DDX19A: variants seen among roughly 807,000 people sequenced by gnomAD.
DDX19A encodes ATP-dependent RNA helicase DDX19A.
DDX19A carries 12 observed loss-of-function variants against 60.6 expected under a neutral mutation model. The observed-to-expected ratio is 0.20, with a 90% CI of 0.13 to 0.32. The LOEUF is 0.32. DDX19A is among the 10% of genes least tolerant of loss of function. The probability of loss-of-function intolerance (pLI) is 1.00; values close to 1 mark genes in which losing one functional copy is unlikely to be tolerated. For synonymous variants in DDX19A, 206 were observed against 218.2 expected (o/e 0.94, Z 0.49); for missense variants, 337 against 600.6 (o/e 0.56, Z 4.59).
intron 2 of DDX19A, among the ~76,000 whole-genome samples, chr16:70,351,955 A>G (rs982358907): frequency 2.0e-5 from 3 of 152,308 alleles, no homozygotes; most frequent in Non-Finnish European, 4.4e-5. Flanking sequence ...GGCCCACCCT[A>G]GTGACCTCAT....
chr16:70,370,201 T>G lies in DDX19A; in HGVS notation c.1021-22T>G, dbSNP rs760980950. ...ATATATACTCAAATACTTTCATTTC[T>G]CAATTGTTTTTTTTCTTCCAGACTC... On this transcript the variant is annotated intron_variant, in intron 9 of 11. Transcript: ENST00000302243. The G allele has an allele frequency of 3.7e-6, 6 of 1,604,280 alleles. No individual in the cohort carries two copies. In the African/African-American group the frequency reaches 8.1e-5, roughly 22 times the overall value.
chr16:70,366,371 C>A, intron 8 of DDX19A, 109 bp downstream of exon 8: 1 of 1,491,034 alleles, frequency 6.7e-7, no homozygotes, highest in South Asian at 1.2e-5. Flanking sequence ...CTCTCGTACT[C>A]TCAGCAGCAT....
chr16:70,356,356 T>C, intron 4 of DDX19A, 109 bp downstream of exon 4: 5 of 1,518,928 alleles, frequency 3.3e-6, no homozygotes, highest in Non-Finnish European at 4.4e-6. Flanking sequence ...TTTAGTGTAT[T>C]TTTTCCTTTT....
rs141352856 is a variant in DDX19A, at chr16:70,361,277, CAG to C, written c.294-140_294-139del. 1.5e-5 allele frequency: 10 copies of C among 685,184 alleles called. No homozygotes were observed. In the East Asian group the frequency reaches 2.5e-4, roughly 17 times the overall value. 42.4% of individuals were successfully genotyped at this position (685,184 alleles called of 1,614,324 possible). A position where few individuals can be genotyped will look rare whatever the true frequency, so the allele number is the denominator to read the frequency against. On this transcript the variant is annotated intron_variant, in intron 4 of 11. Transcript: ENST00000302243. Reference sequence around the variant, plus strand: ...TGGTTTGATTTGGTTTGGTTTTTGACAGTGTTTTTTTAAGGCATAGGAAAATA... The same window carrying C: ...TGGTTTGATTTGGTTTGGTTTTTGACTGTTTTTTTAAGGCATAGGAAAATA...
intron 4 of DDX19A, among the ~76,000 whole-genome samples, chr16:70,359,054 A>G (rs1319909595): frequency 6.6e-6 from 1 of 152,188 alleles, no homozygotes; most frequent in Non-Finnish European, 1.5e-5. Flanking sequence ...CAGTTTAACC[A>G]CTGATGAATT....
At chr16:70,364,507 CA>C in intron 5 of DDX19A, 35 bp from the exon 6 acceptor site, 1 of 1,493,326 alleles carries the variant, frequency 6.7e-7, no homozygotes, top group Non-Finnish European at 9.3e-7. Context: ...TGAGTTTCAC[CA>C]ATTTAAGTTT....
chr16:70,366,954 A>G (rs8058224), intron 9 of DDX19A, 93 bp downstream of exon 9: 730,248 of 1,446,998 alleles, frequency 0.5, 189,703 homozygotes, highest in African/African-American at 0.78. Context: ...AGCGCCATGG[A>G]AAGAAGGGAA....
chr16:70,352,008 A>G (rs140681447), intron 2 of DDX19A, among the ~76,000 whole-genome samples: 1 of 152,254 alleles, frequency 6.6e-6, no homozygotes, highest in African/African-American at 2.4e-5. Context: ...ATAAGGTCAC[A>G]TTCTGAGGTA....
rs763295747 is a variant in DDX19A at position 70,365,140 on chromosome 16, G to A, written c.604+9G>A. On this transcript the variant is annotated intron_variant, in intron 7 of 11. Coordinates refer to ENST00000302243, the MANE Select transcript of DDX19A (RefSeq NM_018332.5). ...CGTTCGAGGCAATAAATGTGAGTAC[G>A]GCAGGCGACAACTGAACAGTGAGCA... 2.5e-5 allele frequency: 40 copies of A among 1,589,926 alleles called. No homozygotes were observed. The highest frequency in any genetic ancestry group is 1.7e-4 in the Middle Eastern group (1 of 6,042).
intron 3 of DDX19A, 68 bp downstream of exon 3, chr16:70,355,603 G>T: frequency 8.2e-7 from 1 of 1,219,182 alleles, no homozygotes; most frequent in East Asian, 2.3e-5. Flanking sequence ...GGAGCCAGGG[G>T]CACTCCAAGC....
chr16:70,370,988 TC>T (rs917738863), intron 10 of DDX19A: 1 of 306,640 alleles, frequency 3.3e-6, no homozygotes, highest in African/African-American at 2.2e-5. Flanking sequence ...AGAGCGAAAC[TC>T]CGTCTCAAAA....
At chr16:70,371,219 C>T in intron 10 of DDX19A, 153 bp from the exon 11 acceptor site, 1 of 1,343,340 alleles carries the variant, frequency 7.4e-7, no homozygotes, top group Non-Finnish European at 1.0e-6. Context: ...CTGTTGCCTG[C>T]CTATATGTGT....
intron 2 of DDX19A, among the ~76,000 whole-genome samples, chr16:70,354,045 G>C (rs139694568): frequency 1.8e-4 from 27 of 151,886 alleles, no homozygotes; most frequent in African/African-American, 5.8e-4. Context: ...TTTTAGTAGA[G>C]ACTAGGTCTT....
chr16:70,353,129 C>CTTTTTTTTT (rs1308743627), intron 2 of DDX19A, among the ~76,000 whole-genome samples: 1 of 144,628 alleles, frequency 6.9e-6, no homozygotes, highest in African/African-American at 2.6e-5. Flanking sequence ...TTCTTTCTTT[C>CTTTTTTTTT]TTTTTTTTTT....
At chr16:70,355,888 G>C in intron 3 of DDX19A, 1 of 623,820 alleles carries the variant, frequency 1.6e-6, no homozygotes, top group South Asian at 2.2e-5. Context: ...CCAGAGCCCA[G>C]GAATTCTAGA....
intron 9 of DDX19A, among the ~76,000 whole-genome samples, chr16:70,368,275 CT>C (rs561634475): frequency 2.0e-4 from 30 of 147,620 alleles, no homozygotes; most frequent in East Asian, 3.9e-4. Flanking sequence ...CAAAAGTATT[CT>C]TTTTTTTTTT....
At chr16:70,350,750 A>C in intron 2 of DDX19A, 145 bp downstream of exon 2, 1 of 571,276 alleles carries the variant, frequency 1.8e-6, no homozygotes, top group Non-Finnish European at 3.1e-6. Context: ...TACTGAAGGG[A>C]TATGTCGATT....
At chr16:70,369,099 T>C (rs1001437346) in intron 9 of DDX19A, among the ~76,000 whole-genome samples, 1 of 151,318 alleles carries the variant, frequency 6.6e-6, no homozygotes, top group Non-Finnish European at 1.5e-5. Flanking sequence ...ACTTCTGACC[T>C]CAGGTGATCC....
chr16:70,349,244 C>T (rs1963940385), intron 1 of DDX19A, among the ~76,000 whole-genome samples: 1 of 152,116 alleles, frequency 6.6e-6, no homozygotes, highest in Admixed American at 6.6e-5. Context: ...CTTCCGGTAG[C>T]AAATTGTAAC....
Sources: allele counts gnomAD v4.1 joint callset (sites outside exome capture counted in the v4.1 genomes callset), GRCh38; gene constraint gnomAD v4.1.1; transcripts MANE v1.5; gene names NCBI Gene and HGNC (gene_info 2026-07-23, HGNC 2026-07-21).